The following TSHR variants were observed in gnomAD, a reference collection of about 807,000 sequenced individuals.
The protein encoded by TSHR is thyrotropin receptor.
In TSHR, 51 loss-of-function variants were observed where a neutral mutation model predicts 64.1. The ratio of observed to expected loss-of-function variants is 0.80; its 90% CI spans 0.64 to 1.01. The LOEUF (loss-of-function observed/expected upper bound fraction) is 1.01, where lower values mean the gene tolerates loss of function less well. Among genes scored for constraint, TSHR ranks in the 50% least tolerant of loss-of-function variants. The pLI is 0.00. For missense variants in TSHR, 877 were observed against 942.8 expected, an observed-to-expected ratio of 0.93 and a Z score of 0.91; for synonymous variants, 361 against 361.9, an observed-to-expected ratio of 1.00 and a Z score of 0.03.
rs143926450 is a variant in TSHR at position 81,034,084 on chromosome 14, T to C, written c.171-28064T>C. Among the ~76,000 whole-genome samples the C allele has an allele frequency of 4.0e-3, 608 of 152,346 alleles. 6 individuals carry two copies. The highest frequency in any genetic ancestry group is 0.022 in the South Asian group (105 of 4,834). On this transcript the variant is annotated intron_variant, in intron 1 of 9. Coordinates refer to ENST00000298171, the MANE Select transcript of TSHR (RefSeq NM_000369.5). ...AGGAAGTGAAGTCCAAGCCCTCATA[T>C]GTTTAGAAAAGTATGCAAGTTTTCT...
intron 1 of TSHR, among the ~76,000 whole-genome samples, chr14:81,044,632 T>C (rs1195941583): frequency 2.2e-5 from 3 of 135,176 alleles, no homozygotes; most frequent in Non-Finnish European, 1.5e-5. Context: ...CACTCCAGCC[T>C]GGGCGACAGA....
rs186079057 is a variant in TSHR at position 81,056,693 on chromosome 14, C to T, written c.171-5455C>T. Among the ~76,000 whole-genome samples the T allele has an allele frequency of 2.0e-5, 3 of 152,248 alleles. No individual in the cohort carries two copies. The East Asian group carries it at 5.8e-4, about 29-fold the overall frequency. On this transcript the variant is annotated intron_variant, in intron 1 of 9. Coordinates refer to ENST00000298171, the MANE Select transcript of TSHR (RefSeq NM_000369.5). ...ATAAGTCAAACTTATCAAGCTATTG[C>T]TTGAGTTTCTGGGGTTCAGATCACA...
intron 1 of TSHR, among the ~76,000 whole-genome samples, chr14:80,983,823 T>C (rs895369155): frequency 2.6e-5 from 4 of 152,252 alleles, no homozygotes; most frequent in African/African-American, 9.6e-5. Context: ...CAGATGAATA[T>C]CATATCACTG....
intron 1 of TSHR, among the ~76,000 whole-genome samples, chr14:81,002,012 A>AT (rs971545240): frequency 3.9e-4 from 59 of 152,294 alleles, no homozygotes; most frequent in African/African-American, 1.4e-3. Flanking sequence ...AGCTCTGAAC[A>AT]TTGAAAGTTT....
chr14:80,996,058 G>C (rs1000992211), intron 1 of TSHR, among the ~76,000 whole-genome samples: 1 of 151,926 alleles, frequency 6.6e-6, no homozygotes, highest in Non-Finnish European at 1.5e-5. Context: ...GTTTTTTGTT[G>C]ACCCTGCATG....
intron 1 of TSHR, among the ~76,000 whole-genome samples, chr14:80,968,794 C>T (rs1343221951): frequency 2.6e-5 from 4 of 152,152 alleles, no homozygotes; most frequent in Non-Finnish European, 5.9e-5. Context: ...GTAGCAGCTG[C>T]CCTAGCTTCT....
chr14:81,137,268 T>C (rs188239927), intron 8 of TSHR, among the ~76,000 whole-genome samples: 154 of 152,340 alleles, frequency 1.0e-3, no homozygotes, highest in African/African-American at 3.6e-3. Flanking sequence ...TGCAGAGTGA[T>C]AAACTGCCAG....
At chr14:81,101,818 G>A (rs1889600573) in intron 7 of TSHR, among the ~76,000 whole-genome samples, 2 of 152,088 alleles carry the variant, frequency 1.3e-5, no homozygotes, top group Non-Finnish European at 2.9e-5. Context: ...ACAGACATGG[G>A]GAGTGTGTGC....
At chr14:81,109,497 C>G (rs935199249) in intron 8 of TSHR, among the ~76,000 whole-genome samples, 1 of 151,980 alleles carries the variant, frequency 6.6e-6, no homozygotes, top group Non-Finnish European at 1.5e-5. Context: ...CTGTTAGGGG[C>G]GAGAGGAAAT....
At chr14:81,068,480 T>C in intron 3 of TSHR, 152 bp downstream of exon 3, 2 of 678,530 alleles carry the variant, frequency 2.9e-6, no homozygotes, top group South Asian at 3.2e-5. Flanking sequence ...TCATTCTCAG[T>C]TCATGTTAAT....
intron 4 of TSHR, among the ~76,000 whole-genome samples, chr14:81,090,692 T>A (rs1013534909): frequency 6.6e-6 from 1 of 152,192 alleles, no homozygotes; most frequent in Non-Finnish European, 1.5e-5. Context: ...CTGTCCCATC[T>A]TCTTCTTAGC....
chr14:81,111,185 G>T (rs981848380), intron 8 of TSHR, among the ~76,000 whole-genome samples: 1 of 152,168 alleles, frequency 6.6e-6, no homozygotes, highest in African/African-American at 2.4e-5. Context: ...CAAGGTAAGT[G>T]GCTGTCCAGG....
At chr14:81,066,223 A>C (rs1164032284) in intron 2 of TSHR, among the ~76,000 whole-genome samples, 1 of 152,150 alleles carries the variant, frequency 6.6e-6, no homozygotes, top group Non-Finnish European at 1.5e-5. Context: ...ATACTTCTTA[A>C]CTGAGAAATT....
At chr14:81,068,205 T>C (rs1383388663) in intron 2 of TSHR, 49 bp from the exon 3 acceptor site, 2 of 1,578,778 alleles carry the variant, frequency 1.3e-6, no homozygotes, top group African/African-American at 2.7e-5. Context: ...GTTTGAAGTT[T>C]ACAACCTTAC....
intron 1 of TSHR, among the ~76,000 whole-genome samples, chr14:81,024,791 C>G (rs1015405647): frequency 5.3e-5 from 8 of 152,134 alleles, no homozygotes; most frequent in East Asian, 1.9e-4. Flanking sequence ...CAACTTTTTC[C>G]TGTCATGATT....
chr14:81,112,034 A>G (rs762655034), intron 8 of TSHR, among the ~76,000 whole-genome samples: 1 of 151,750 alleles, frequency 6.6e-6, no homozygotes, highest in Non-Finnish European at 1.5e-5. Flanking sequence ...AGACTCTCCC[A>G]CCAAGTTAAG....
At chr14:81,124,704 A>G (rs1448355480) in intron 8 of TSHR, among the ~76,000 whole-genome samples, 1 of 142,598 alleles carries the variant, frequency 7.0e-6, no homozygotes, top group Non-Finnish European at 1.6e-5. Flanking sequence ...AATGCTTTTA[A>G]TTGTCATTTT....
chr14:81,115,696 C>G (rs1890470352), intron 8 of TSHR, among the ~76,000 whole-genome samples: 1 of 152,090 alleles, frequency 6.6e-6, no homozygotes, highest in East Asian at 1.9e-4. Context: ...AAAGATACTC[C>G]TCGAGAAGAG....
chr14:80,996,971 A>T lies in TSHR; in HGVS notation c.170+41121A>T, dbSNP rs144692817. Among the ~76,000 whole-genome samples, 367 of 152,276 alleles carry T rather than the reference A, an allele frequency of 2.4e-3. 1 individual carries two copies. Among genetic ancestry groups the T allele is most frequent in the Middle Eastern group, 0.01 (3 of 294 alleles). On this transcript the variant is annotated intron_variant, in intron 1 of 9. Coordinates refer to ENST00000298171, the MANE Select transcript of TSHR (RefSeq NM_000369.5). ...GTTTCTTCAACAGTAAAGAAGACAC[A>T]TTATTATTGCTGTTATTATTACTAC...
Sources: gnomAD v4.1 joint callset for allele counts (sites outside exome capture counted in the v4.1 genomes callset) on GRCh38, gnomAD v4.1.1 for gene constraint, MANE v1.5 for transcripts, NCBI Gene and HGNC (gene_info 2026-07-23, HGNC 2026-07-21) for gene names.